NCAPG2: variants seen among roughly 807,000 people sequenced by gnomAD.
NCAPG2 encodes the protein condensin-2 complex subunit G2.
NCAPG2 carries 53 observed loss-of-function variants against 141.1 expected under a neutral mutation model. The observed-to-expected ratio is 0.38, with a 90% confidence interval of 0.30 to 0.47. NCAPG2 has a LOEUF of 0.47. Among genes scored for constraint, NCAPG2 ranks in the 20% least tolerant of loss-of-function variants. The pLI is 0.99. For synonymous variants in NCAPG2, 499 were observed against 490.7 expected, an observed-to-expected ratio of 1.02 and a Z score of -0.22; for missense variants, 1,087 against 1,389.0, an observed-to-expected ratio of 0.78 and a Z score of 3.46.
At chr7:158,660,783 T>G (rs983059763) in intron 16 of NCAPG2, among the ~76,000 whole-genome samples, 1 of 152,148 alleles carries the variant, frequency 6.6e-6, no homozygotes, top group Non-Finnish European at 1.5e-5. Context: ...CCTCCTGAAT[T>G]GTAGCTCCCA....
At chr7:158,701,303 G>A (rs1290019941) in intron 2 of NCAPG2, among the ~76,000 whole-genome samples, 1 of 152,136 alleles carries the variant, frequency 6.6e-6, no homozygotes, top group Admixed American at 6.5e-5. Flanking sequence ...TTTCTCACTT[G>A]TAGTCAGAGG....
chr7:158,676,679 C>T (rs1414122155), intron 11 of NCAPG2, among the ~76,000 whole-genome samples: 1 of 152,118 alleles, frequency 6.6e-6, no homozygotes, highest in African/African-American at 2.4e-5. Context: ...GTTGTGGGCA[C>T]ACAGGGGTTA....
intron 16 of NCAPG2, among the ~76,000 whole-genome samples, chr7:158,661,956 T>A (rs1832543371): frequency 6.6e-6 from 1 of 152,158 alleles, no homozygotes; most frequent in Non-Finnish European, 1.5e-5. Context: ...AATCATGTGC[T>A]TACCCAAGAC....
At chr7:158,664,333 G>A in intron 14 of NCAPG2, 37 bp from the exon 15 acceptor site, 1 of 1,566,006 alleles carries the variant, frequency 6.4e-7, no homozygotes, top group Non-Finnish European at 8.8e-7. Flanking sequence ...TAATGGATGT[G>A]TTTCTTCTAC....
chr7:158,676,682 A>T (rs965408137), intron 11 of NCAPG2, among the ~76,000 whole-genome samples: 5 of 152,238 alleles, frequency 3.3e-5, no homozygotes, highest in Non-Finnish European at 7.3e-5. Flanking sequence ...GTGGGCACAC[A>T]GGGGTTATTA....
intron 12 of NCAPG2, among the ~76,000 whole-genome samples, chr7:158,672,689 C>G (rs1299762428): frequency 6.6e-6 from 1 of 152,044 alleles, no homozygotes; most frequent in African/African-American, 2.4e-5. Flanking sequence ...CAAGTATATA[C>G]AGCTCTTCTT....
intron 1 of NCAPG2, chr7:158,702,278 G>A (rs1364088813): frequency 6.0e-6 from 1 of 165,594 alleles, no homozygotes; most frequent in Non-Finnish European, 1.3e-5. Context: ...GCAGAGCTGA[G>A]TTGATTCAAC....
At chr7:158,642,103 T>TC (rs1309391360) in intron 27 of NCAPG2, among the ~76,000 whole-genome samples, 1 of 151,654 alleles carries the variant, frequency 6.6e-6, no homozygotes, top group Non-Finnish European at 1.5e-5. Context: ...GCTGGAAAAA[T>TC]CCCCAAACAC....
chr7:158,646,422 C>T (rs750819226), intron 25 of NCAPG2, 38 bp downstream of exon 25: 45 of 1,493,344 alleles, frequency 3.0e-5, no homozygotes, highest in Admixed American at 9.3e-5. Flanking sequence ...CTTACAGCCA[C>T]GATGAGCATT....
chr7:158,683,491 T>C (rs1490147228), intron 8 of NCAPG2, 105 bp from the exon 9 acceptor site: 3 of 637,790 alleles, frequency 4.7e-6, no homozygotes, highest in Non-Finnish European at 4.9e-6. Flanking sequence ...CTGTCCATCT[T>C]ATATTTCATG....
chr7:158,696,044 C>T (rs1835422037), intron 2 of NCAPG2: 1 of 152,256 alleles, frequency 6.6e-6, no homozygotes, highest in African/African-American at 2.4e-5. Context: ...GTGTATGAAG[C>T]AGGGGAAGTC....
At chr7:158,667,570 C>T (rs1409294239) in intron 13 of NCAPG2, among the ~76,000 whole-genome samples, 1 of 25,420 alleles carries the variant, frequency 3.9e-5, no homozygotes, top group Admixed American at 5.1e-4. Context: ...TACTGGGTCC[C>T]TCCGCCCTCC....
At chr7:158,674,802 T>A (rs1003388855) in intron 12 of NCAPG2, among the ~76,000 whole-genome samples, 7 of 152,218 alleles carry the variant, frequency 4.6e-5, no homozygotes, top group Non-Finnish European at 1.0e-4. Flanking sequence ...GAAAGTGAGA[T>A]CAGTTCTTCT....
intron 13 of NCAPG2, chr7:158,668,507 AAAC>A (rs1833446165): frequency 1.2e-6 from 1 of 827,722 alleles, no homozygotes; most frequent in Admixed American, 6.2e-5. Flanking sequence ...AATACAAAGA[AAAC>A]AATATGATGT....
intron 15 of NCAPG2, 134 bp downstream of exon 15, chr7:158,664,050 G>C (rs1832728859): frequency 5.6e-6 from 4 of 715,042 alleles, no homozygotes; most frequent in Non-Finnish European, 9.4e-6. Context: ...TGTTATTTAT[G>C]ACCTTCCAAA....
chr7:158,698,145 G>A (rs942862289), intron 2 of NCAPG2, among the ~76,000 whole-genome samples: 3 of 152,094 alleles, frequency 2.0e-5, no homozygotes, highest in African/African-American at 7.2e-5. Context: ...AAGATTTTTT[G>A]TAAAGCAAAA....
chr7:158,656,312 G>A lies in NCAPG2; in HGVS notation c.2336C>T (p.Ser779Phe), dbSNP rs765364216. The A allele has an allele frequency of 6.2e-6, 10 of 1,614,202 alleles. No individual in the cohort carries two copies. The South Asian group carries it at 9.9e-5, about 16-fold the overall frequency. Residue 779 changes from serine to phenylalanine, a missense_variant, in exon 19 of 28, where the codon TCT becomes TTT. Ser to Phe is a radical substitution (Grantham distance 155, BLOSUM62 -2). Coordinates refer to ENST00000356309, the MANE Select transcript of NCAPG2 (RefSeq NM_017760.7). ...ATGGTTAAGTTTCTTCCGAGGAGCA[G>A]AGAGCAAGCACTCGCGGTTCTTTGG... Reference protein sequence around the residue: ...THPKNRECLLSAPRKKLNHLL... With the variant: ...THPKNRECLLFAPRKKLNHLL...
chr7:158,639,945 T>C (rs948411571), intron 27 of NCAPG2: 9 of 632,988 alleles, frequency 1.4e-5, no homozygotes, highest in African/African-American at 4.0e-5. Flanking sequence ...GGTGTTAACA[T>C]GTATAATAAG....
chr7:158,659,935 C>T (rs1414522149), intron 16 of NCAPG2, among the ~76,000 whole-genome samples: 1 of 151,838 alleles, frequency 6.6e-6, no homozygotes, highest in Non-Finnish European at 1.5e-5. Context: ...CACGGTGAAA[C>T]CACGTCTCTA....
Sources: allele counts gnomAD v4.1 joint callset (sites outside exome capture counted in the v4.1 genomes callset), GRCh38; gene constraint gnomAD v4.1.1; transcripts MANE v1.5; gene names NCBI Gene and HGNC (gene_info 2026-07-23, HGNC 2026-07-21).